GTF2E2: variants seen among roughly 807,000 people sequenced by gnomAD.
GTF2E2 encodes the protein general transcription factor IIE subunit 2.
GTF2E2 carries 21 observed loss-of-function variants against 40.5 expected under a neutral mutation model. The observed-to-expected ratio is 0.52, with a 90% CI of 0.37 to 0.75. GTF2E2 has a LOEUF of 0.75. Among genes scored for constraint, GTF2E2 ranks in the 30% least tolerant of loss-of-function variants. The pLI is 0.00. For missense variants in GTF2E2, 298 were observed against 338.4 expected, an observed-to-expected ratio of 0.88 and a Z score of 0.94; for synonymous variants, 117 against 121.6, an observed-to-expected ratio of 0.96 and a Z score of 0.25.
chr8:30,584,197 C>T (rs1162603163), intron 6 of GTF2E2, among the ~76,000 whole-genome samples: 35 of 145,918 alleles, frequency 2.4e-4, no homozygotes, highest in Admixed American at 2.3e-3. Context: ...ACTTGCTTCC[C>T]TTTTTTTTTT....
intron 2 of GTF2E2, among the ~76,000 whole-genome samples, chr8:30,650,409 G>A (rs1199110836): frequency 1.3e-5 from 2 of 151,714 alleles, no homozygotes; most frequent in Non-Finnish European, 2.9e-5. Flanking sequence ...AAAACTCTCA[G>A]TCAGATGCAG....
chr8:30,592,299 T>C (rs1585940743), intron 6 of GTF2E2, among the ~76,000 whole-genome samples: 1 of 152,260 alleles, frequency 6.6e-6, no homozygotes, highest in East Asian at 1.9e-4. Context: ...GGATCGCCTG[T>C]GCCCAGGGAG....
chr8:30,655,233 T>C (rs1315596332), intron 1 of GTF2E2, among the ~76,000 whole-genome samples: 1 of 151,980 alleles, frequency 6.6e-6, no homozygotes, highest in Non-Finnish European at 1.5e-5. Context: ...ATTTCCAATT[T>C]GGAGGGAGGT....
intron 6 of GTF2E2, among the ~76,000 whole-genome samples, chr8:30,582,802 C>T (rs912548372): frequency 9.8e-5 from 15 of 152,318 alleles, no homozygotes; most frequent in South Asian, 6.2e-4. Context: ...ACCCGGTAAA[C>T]GCTGACCATC....
intron 3 of GTF2E2, among the ~76,000 whole-genome samples, 163 bp downstream of exon 3, chr8:30,634,869 A>G (rs946424317): frequency 6.6e-6 from 1 of 152,254 alleles, no homozygotes; most frequent in African/African-American, 2.4e-5. Context: ...AATACAATGT[A>G]AAAGGCTTGA....
chr8:30,606,873 A>G (rs1310020588), intron 6 of GTF2E2, among the ~76,000 whole-genome samples, 184 bp downstream of exon 6: 4 of 152,280 alleles, frequency 2.6e-5, no homozygotes, highest in East Asian at 1.9e-4. Context: ...TTCAAATCAC[A>G]TATTTCAAAT....
chr8:30,639,111 T>C (rs370143989), intron 2 of GTF2E2, among the ~76,000 whole-genome samples: 16 of 152,242 alleles, frequency 1.1e-4, no homozygotes, highest in East Asian at 7.7e-4. Flanking sequence ...AAGTTTGTTA[T>C]ATTTTTTAGA....
chr8:30,638,863 A>G (rs1002559292), intron 2 of GTF2E2, among the ~76,000 whole-genome samples: 1 of 152,196 alleles, frequency 6.6e-6, no homozygotes, highest in African/African-American at 2.4e-5. Context: ...TGGAAAATTC[A>G]TTACATTTTA....
chr8:30,594,840 A>G (rs1166551184), intron 6 of GTF2E2, among the ~76,000 whole-genome samples: 1 of 151,440 alleles, frequency 6.6e-6, no homozygotes, highest in Non-Finnish European at 1.5e-5. Flanking sequence ...CTGGGCAACA[A>G]GAGCAAAACT....
At chr8:30,619,048 T>A (rs920598925) in intron 3 of GTF2E2, among the ~76,000 whole-genome samples, 6 of 152,184 alleles carry the variant, frequency 3.9e-5, no homozygotes, top group African/African-American at 1.4e-4. Context: ...GTTCAAGTGA[T>A]CCTCCTGCCT....
intron 3 of GTF2E2, among the ~76,000 whole-genome samples, chr8:30,619,653 C>T (rs1286847480): frequency 6.6e-6 from 1 of 152,006 alleles, no homozygotes; most frequent in East Asian, 1.9e-4. Context: ...TCCTATAGTG[C>T]TGGGATTACA....
At chr8:30,625,354 G>A (rs62505307) in intron 3 of GTF2E2, among the ~76,000 whole-genome samples, 31,698 of 151,950 alleles carry the variant, frequency 0.21, 4,154 homozygotes, top group South Asian at 0.33. Flanking sequence ...GCATCCCAGG[G>A]TGAAATCTAG....
intron 1 of GTF2E2, among the ~76,000 whole-genome samples, chr8:30,655,649 A>G (rs1440197639): frequency 6.6e-6 from 1 of 152,178 alleles, no homozygotes; most frequent in African/African-American, 2.4e-5. Context: ...ACGGAAGATA[A>G]ATCCTTGTCT....
intron 1 of GTF2E2, among the ~76,000 whole-genome samples, chr8:30,654,363 TG>T (rs1308062206): frequency 6.6e-6 from 1 of 152,202 alleles, no homozygotes; most frequent in African/African-American, 2.4e-5. Context: ...TTAAATAAAA[TG>T]TTAAAATTAA....
At chr8:30,620,938 A>G (rs1323337785) in intron 3 of GTF2E2, among the ~76,000 whole-genome samples, 1 of 151,950 alleles carries the variant, frequency 6.6e-6, no homozygotes, top group Non-Finnish European at 1.5e-5. Flanking sequence ...TGGAAAAAAA[A>G]AAAAATGAGG....
Position 30,599,515 on chromosome 8 carries a change from G to A in GTF2E2, c.643+7542C>T, listed in dbSNP as rs188193990. 5.4e-4 allele frequency among the ~76,000 whole-genome samples: 81 copies of A among 149,476 alleles called. No homozygotes were observed. In the East Asian group the frequency reaches 0.012, roughly 22 times the overall value. Reference sequence around the variant, plus strand: ...AATCGCTTCAACCTGGGAGGCAGAGGTTGCAGTAAGCCGAGACTGTGCCAT... The same window carrying A: ...AATCGCTTCAACCTGGGAGGCAGAGATTGCAGTAAGCCGAGACTGTGCCAT... On this transcript the variant is annotated intron_variant, in intron 6 of 7. Coordinates refer to ENST00000355904, the MANE Select transcript of GTF2E2 (RefSeq NM_002095.6).
chr8:30,635,296 C>T (rs371859014), intron 2 of GTF2E2, among the ~76,000 whole-genome samples, 173 bp from the exon 3 acceptor site: 4 of 151,970 alleles, frequency 2.6e-5, no homozygotes, highest in African/African-American at 4.8e-5. Context: ...ATTAAAGTAC[C>T]AATTTTCTCA....
At chr8:30,606,960 T>C (rs562767115) in intron 6 of GTF2E2, 97 bp downstream of exon 6, 3 of 488,542 alleles carry the variant, frequency 6.1e-6, no homozygotes, top group African/African-American at 6.1e-5. Flanking sequence ...AAAAAAGCAA[T>C]ATAAGATTTA....
At chr8:30,595,614 G>A (rs1391491796) in intron 6 of GTF2E2, among the ~76,000 whole-genome samples, 1 of 152,174 alleles carries the variant, frequency 6.6e-6, no homozygotes, top group East Asian at 1.9e-4. Context: ...CAGACTGCTT[G>A]AGCCCAAGAG....
Sources: gnomAD v4.1 joint callset for allele counts (sites outside exome capture counted in the v4.1 genomes callset) on GRCh38, gnomAD v4.1.1 for gene constraint, MANE v1.5 for transcripts, NCBI Gene and HGNC (gene_info 2026-07-23, HGNC 2026-07-21) for gene names.